NHS: variants seen among roughly 807,000 people sequenced by gnomAD.
NHS encodes the protein NHS actin remodeling regulator.
NHS carries 5 observed loss-of-function variants against 72.5 expected under a neutral mutation model. The ratio of observed to expected loss-of-function variants is 0.07; its 90% CI spans 0.04 to 0.14. The LOEUF is 0.14. Among genes scored for constraint, NHS ranks in the 10% least tolerant of loss-of-function variants. NHS has a pLI of 1.00. For synonymous variants in NHS, 464 were observed against 547.7 expected, an observed-to-expected ratio of 0.85 and a Z score of 2.13; for missense variants, 1,072 against 1,355.7, an observed-to-expected ratio of 0.79 and a Z score of 3.29.
At chrX:17,719,305 G>A in intron 3 of NHS, 39 bp from the exon 4 acceptor site, 7 of 1,140,914 alleles carry the variant, frequency 6.1e-6, no homozygotes, top group South Asian at 3.8e-5. Context: ...TTGTGTGCAC[G>A]TTTTTAATTT....
intron 1 of NHS, among the ~76,000 whole-genome samples, chrX:17,597,694 T>A (rs912523103): frequency 9.0e-6 from 1 of 110,832 alleles, no homozygotes; most frequent in African/African-American, 3.3e-5. Flanking sequence ...TGAGTTAAAC[T>A]TCCTAAAGCA....
intron 1 of NHS, among the ~76,000 whole-genome samples, chrX:17,436,728 G>A (rs912164165): frequency 9.1e-6 from 1 of 109,695 alleles, no homozygotes; most frequent in Non-Finnish European, 1.9e-5. Context: ...ATATGTGAGT[G>A]TAATATCCAG....
At chrX:17,683,539 A>G (rs1447124482) in intron 1 of NHS, among the ~76,000 whole-genome samples, 1 of 111,243 alleles carries the variant, frequency 9.0e-6, no homozygotes, top group Non-Finnish European at 1.9e-5. Context: ...TAGCAAATTT[A>G]CTTACTTTCT....
intron 1 of NHS, among the ~76,000 whole-genome samples, chrX:17,579,293 C>T (rs755923161): frequency 1.1e-3 from 120 of 112,138 alleles, no homozygotes; most frequent in Non-Finnish European, 1.7e-3. Flanking sequence ...GCTCTCCAAA[C>T]ATCCTAGTCC....
chrX:17,575,778 G>A (rs1028845153), intron 1 of NHS, among the ~76,000 whole-genome samples: 1 of 111,909 alleles, frequency 8.9e-6, no homozygotes. Flanking sequence ...ACACACAAAT[G>A]GCTCATGTAT....
chrX:17,378,887 T>A (rs756883868), intron 1 of NHS, among the ~76,000 whole-genome samples: 1 of 111,416 alleles, frequency 9.0e-6, no homozygotes. Flanking sequence ...CAGGGCCAGG[T>A]AGAGAGATGC....
chrX:17,711,641 C>T (rs886886660), intron 3 of NHS, among the ~76,000 whole-genome samples: 3 of 111,801 alleles, frequency 2.7e-5, no homozygotes, highest in Non-Finnish European at 5.6e-5. Flanking sequence ...GAAAACTGCA[C>T]CATTGTCATC....
intron 1 of NHS, among the ~76,000 whole-genome samples, chrX:17,552,920 TC>T (rs1315790233): frequency 2.7e-5 from 3 of 113,010 alleles, no homozygotes; most frequent in African/African-American, 9.7e-5. Context: ...AAGCACTGTT[TC>T]CAGAAATTGA....
At chrX:17,422,803 G>T (rs1351266100) in intron 1 of NHS, among the ~76,000 whole-genome samples, 1 of 111,610 alleles carries the variant, frequency 9.0e-6, no homozygotes, top group African/African-American at 3.3e-5. Context: ...GGACGAGTAG[G>T]GAAGGTGGGC....
At chrX:17,572,620 G>A (rs1398876760) in intron 1 of NHS, among the ~76,000 whole-genome samples, 2 of 107,796 alleles carry the variant, frequency 1.9e-5, no homozygotes, top group African/African-American at 3.4e-5. Context: ...ATGGGTCTTG[G>A]CTCTTTATCC....
In NHS at chrX:17,492,005, T is replaced by G. The variant is rs1461122681; in HGVS notation, c.565+115683T>G. Among the ~76,000 whole-genome samples, 3 of 111,202 alleles carry G rather than the reference T, an allele frequency of 2.7e-5. No individual in the cohort carries two copies. The East Asian group carries it at 8.4e-4, about 31-fold the overall frequency. On this transcript the variant is annotated intron_variant, in intron 1 of 8. Coordinates refer to ENST00000676302, the MANE Select transcript of NHS (RefSeq NM_001291867.2). ...CCCCTTTATCATTTTTTATTGTGTC[T>G]ATTTGATTCTTTTCTCTTTTCTTCT...
intron 3 of NHS, among the ~76,000 whole-genome samples, chrX:17,696,466 T>G (rs1426494206): frequency 3.6e-5 from 4 of 112,369 alleles, no homozygotes; most frequent in Admixed American, 9.4e-5. Flanking sequence ...ATGGCAAATG[T>G]GTATCAAAAC....
At chrX:17,428,784 C>T (rs775881226) in intron 1 of NHS, among the ~76,000 whole-genome samples, 50 of 111,583 alleles carry the variant, frequency 4.5e-4, no homozygotes, top group Non-Finnish European at 8.3e-4. Flanking sequence ...CCTTTTGGAA[C>T]TTCCTGGTTT....
intron 1 of NHS, among the ~76,000 whole-genome samples, chrX:17,476,697 C>T (rs1005402641): frequency 9.0e-6 from 1 of 111,714 alleles, no homozygotes; most frequent in Non-Finnish European, 1.9e-5. Context: ...AAGGATTATC[C>T]CACCCAAGGG....
chrX:17,525,628 T>C (rs893113773), intron 1 of NHS, among the ~76,000 whole-genome samples: 2 of 105,701 alleles, frequency 1.9e-5, no homozygotes, highest in Admixed American at 1.0e-4. Context: ...TTTTCTTTTT[T>C]CTTTCTTTTC....
intron 3 of NHS, among the ~76,000 whole-genome samples, chrX:17,700,536 A>G (rs190300472): frequency 8.9e-6 from 1 of 111,766 alleles, no homozygotes; most frequent in Non-Finnish European, 1.9e-5. Flanking sequence ...CAATGTAACA[A>G]TGTATTCTGT....
chrX:17,430,279 CTT>C (rs1303093531), intron 1 of NHS, among the ~76,000 whole-genome samples: 1 of 68,399 alleles, frequency 1.5e-5, no homozygotes, highest in Non-Finnish European at 2.5e-5. Flanking sequence ...TTCTTTCTTT[CTT>C]TCTTTCTTTC....
chrX:17,561,011 T>G (rs1403352712), intron 1 of NHS, among the ~76,000 whole-genome samples: 1 of 112,436 alleles, frequency 8.9e-6, no homozygotes, highest in Non-Finnish European at 1.9e-5. Flanking sequence ...CCACCATTTC[T>G]ACTCAAAAGC....
intron 1 of NHS, among the ~76,000 whole-genome samples, chrX:17,445,730 G>C (rs1199388026): frequency 1.2e-5 from 1 of 83,487 alleles, no homozygotes; most frequent in East Asian, 4.6e-4. Flanking sequence ...CTGAGGTCTC[G>C]ACTTACTCAC....
Sources: allele counts gnomAD v4.1 joint callset (sites outside exome capture counted in the v4.1 genomes callset), GRCh38; gene constraint gnomAD v4.1.1; transcripts MANE v1.5; gene names NCBI Gene and HGNC (gene_info 2026-07-23, HGNC 2026-07-21).